Variants in TBCK observed in about 807,000 individuals in gnomAD.
TBCK encodes the protein TBC1 domain containing kinase, also known as TBC domain-containing protein kinase-like protein.
A neutral mutation model predicts 113.4 loss-of-function variants in TBCK; 99 were observed. The ratio of observed to expected loss-of-function variants is 0.87; its 90% CI spans 0.74 to 1.03. The LOEUF (loss-of-function observed/expected upper bound fraction) is 1.03, where lower values mean the gene tolerates loss of function less well. Among genes scored for constraint, TBCK ranks in the 50% least tolerant of loss-of-function variants. The pLI is 0.00. For synonymous variants in TBCK, 369 were observed against 370.8 expected, an observed-to-expected ratio of 1.00 and a Z score of 0.05; for missense variants, 1,045 against 1,061.3, an observed-to-expected ratio of 0.98 and a Z score of 0.21.
In TBCK at chr4:106,232,923, G is replaced by T; in HGVS notation, c.1639+15C>A. 6.2e-7 allele frequency: 1 copy of T among 1,604,710 alleles called. No homozygotes were observed. The highest frequency in any genetic ancestry group is 1.1e-5 in the South Asian group (1 of 89,368). Reference sequence around the variant, plus strand: ...TCTAATACTCCAGAGGAGTTTTAATGACTACAAAAGTTACCTTGCCAATAC... The same window carrying T: ...TCTAATACTCCAGAGGAGTTTTAATTACTACAAAAGTTACCTTGCCAATAC... On this transcript the variant is annotated intron_variant, in intron 17 of 25. Transcript: ENST00000394708.
At chr4:106,287,549 G>A (rs1313428900) in intron 3 of TBCK, among the ~76,000 whole-genome samples, 1 of 152,162 alleles carries the variant, frequency 6.6e-6, no homozygotes, top group Non-Finnish European at 1.5e-5. Context: ...ACAGGATATT[G>A]CATTGCAGGA....
chr4:106,243,353 A>C (rs539926021), intron 11 of TBCK, among the ~76,000 whole-genome samples: 4 of 152,314 alleles, frequency 2.6e-5, no homozygotes, highest in African/African-American at 9.6e-5. Flanking sequence ...TGAAAGAAAA[A>C]GCATATTGGA....
intron 24 of TBCK, among the ~76,000 whole-genome samples, chr4:106,101,575 T>C (rs576209243): frequency 1.3e-5 from 2 of 152,328 alleles, no homozygotes; most frequent in African/African-American, 2.4e-5. Context: ...AATGAAATAA[T>C]GAATACAACT....
intron 2 of TBCK, among the ~76,000 whole-genome samples, chr4:106,304,056 G>C (rs1282274054): frequency 1.3e-5 from 2 of 152,128 alleles, no homozygotes; most frequent in African/African-American, 4.8e-5. Context: ...ACAGCTTACT[G>C]AATATGTATA....
chr4:106,065,444 T>C lies in TBCK; in HGVS notation c.2572-18764A>G, dbSNP rs529063335. ...TTGCAACAGCACAAGAGTGAGACTT[T>C]GCCGTGTTTTTCATTTTAAATGTGA... On this transcript the variant is annotated intron_variant, in intron 25 of 25. Coordinates refer to ENST00000394708, the MANE Select transcript of TBCK (RefSeq NM_001163435.3). 2.0e-4 allele frequency among the ~76,000 whole-genome samples: 31 copies of C among 152,192 alleles called. No individual in the cohort carries two copies. In the South Asian group the frequency reaches 3.5e-3, roughly 17 times the overall value.
At chr4:106,247,393 G>T in intron 9 of TBCK, 106 bp from the exon 10 acceptor site, 1 of 1,010,740 alleles carries the variant, frequency 9.9e-7, no homozygotes, top group Non-Finnish European at 1.5e-6. Flanking sequence ...TACCTCATTA[G>T]CACAGAAAAT....
chr4:106,147,471 G>T (rs1747938223), intron 23 of TBCK, among the ~76,000 whole-genome samples: 1 of 152,210 alleles, frequency 6.6e-6, no homozygotes, highest in Admixed American at 6.5e-5. Flanking sequence ...AGCCATGGCA[G>T]AAGAACGTGG....
At chr4:106,107,272 T>C (rs1198336400) in intron 24 of TBCK, among the ~76,000 whole-genome samples, 5 of 152,112 alleles carry the variant, frequency 3.3e-5, no homozygotes, top group African/African-American at 7.2e-5. Context: ...AAACTCAGCA[T>C]TGGACCAAAT....
At chr4:106,115,681 A>G (rs1743397227) in intron 24 of TBCK, among the ~76,000 whole-genome samples, 1 of 152,182 alleles carries the variant, frequency 6.6e-6, no homozygotes, top group Admixed American at 6.5e-5. Context: ...AACTCTTCAT[A>G]CTCTAATGCC....
chr4:106,198,806 T>C (rs1156734279), intron 20 of TBCK, among the ~76,000 whole-genome samples: 1 of 152,100 alleles, frequency 6.6e-6, no homozygotes, highest in Non-Finnish European at 1.5e-5. Context: ...CGTGTCCCAC[T>C]CTAGCAGAAG....
intron 23 of TBCK, among the ~76,000 whole-genome samples, chr4:106,161,204 T>C (rs889200420): frequency 3.3e-5 from 5 of 152,158 alleles, no homozygotes; most frequent in African/African-American, 9.6e-5. Flanking sequence ...TTTTACGTTG[T>C]GTGTATTTTT....
chr4:106,299,671 G>C (rs761391542), intron 2 of TBCK, among the ~76,000 whole-genome samples: 6 of 152,250 alleles, frequency 3.9e-5, no homozygotes, highest in Admixed American at 1.3e-4. Flanking sequence ...GAAATCTTTA[G>C]AGAGTCTTCA....
At chr4:106,310,861 A>G (rs949288050) in intron 1 of TBCK, among the ~76,000 whole-genome samples, 18 of 152,176 alleles carry the variant, frequency 1.2e-4, no homozygotes, top group African/African-American at 4.3e-4. Context: ...AAAATAACAC[A>G]AAAACCAACT....
At chr4:106,113,548 G>A (rs1413215424) in intron 24 of TBCK, among the ~76,000 whole-genome samples, 1 of 152,054 alleles carries the variant, frequency 6.6e-6, no homozygotes, top group African/African-American at 2.4e-5. Context: ...ACCCCCTCAG[G>A]TCCTCTTTGG....
Position 106,193,566 on chromosome 4 carries a change from T to C in TBCK, c.2059+43A>G, listed in dbSNP as rs147372070. 418 of 1,603,634 alleles carry C rather than the reference T, an allele frequency of 2.6e-4. 1 individual carries two copies. The African/African-American group carries it at 4.7e-3, about 18-fold the overall frequency. ...GGCTTAAGAATGTGTCATTATTTCA[T>C]AGTCAAATTTCATTTAATGGCTCCA... On this transcript the variant is annotated intron_variant, in intron 22 of 25. Coordinates refer to ENST00000394708, the MANE Select transcript of TBCK (RefSeq NM_001163435.3).
chr4:106,122,411 A>G (rs1294076792), intron 23 of TBCK, among the ~76,000 whole-genome samples: 2 of 152,190 alleles, frequency 1.3e-5, no homozygotes, highest in Non-Finnish European at 2.9e-5. Flanking sequence ...AGAGTCCAGG[A>G]CCAGATGGAT....
intron 17 of TBCK, 106 bp from the exon 18 acceptor site, chr4:106,231,885 A>G (rs1758894165): frequency 1.0e-6 from 1 of 965,456 alleles, no homozygotes; most frequent in Non-Finnish European, 1.6e-6. Flanking sequence ...TAGATTAAAC[A>G]TTAGAAGTAT....
At chr4:106,243,676 A>G (rs1760433460) in intron 11 of TBCK, among the ~76,000 whole-genome samples, 1 of 152,164 alleles carries the variant, frequency 6.6e-6, no homozygotes, top group African/African-American at 2.4e-5. Flanking sequence ...CTAAGTCTAG[A>G]AATCTAAAAA....
intron 25 of TBCK, among the ~76,000 whole-genome samples, chr4:106,063,219 A>G (rs1350790425): frequency 6.6e-6 from 1 of 152,034 alleles, no homozygotes; most frequent in African/African-American, 2.4e-5. Context: ...TCAGGAAGAA[A>G]GCCAAGTTTA....
Sources: allele counts gnomAD v4.1 joint callset (sites outside exome capture counted in the v4.1 genomes callset), GRCh38; gene constraint gnomAD v4.1.1; transcripts MANE v1.5; gene names NCBI Gene and HGNC (gene_info 2026-07-23, HGNC 2026-07-21).